The following DNAJC10 variants were observed in gnomAD, a reference collection of about 807,000 sequenced individuals.
DNAJC10 encodes the protein DnaJ heat shock protein family (Hsp40) member C10, also known as endoplasmic reticulum disulfide reductase DNAJC10.
DNAJC10 carries 101 observed loss-of-function variants against 115.0 expected under a neutral mutation model. That is an observed-to-expected ratio of 0.88 (90% CI 0.75 to 1.04). The LOEUF (loss-of-function observed/expected upper bound fraction) is 1.04. DNAJC10 is among the 50% of genes least tolerant of loss of function. The pLI is 0.00. For synonymous variants in DNAJC10, 307 were observed against 301.5 expected, an observed-to-expected ratio of 1.02 and a Z score of -0.19; for missense variants, 981 against 928.8, an observed-to-expected ratio of 1.06 and a Z score of -0.73.
chr2:182,733,891 G>T (rs1693518283), intron 10 of DNAJC10, among the ~76,000 whole-genome samples: 1 of 151,438 alleles, frequency 6.6e-6, no homozygotes, highest in African/African-American at 2.4e-5. Flanking sequence ...TGAAGCAAAT[G>T]TGTAAATGTA....
At position 182,791,485 on chromosome 2, in the gene DNAJC10, T is replaced by C. The variant is rs974009523; in HGVS notation, c.*14353T>C. 2 of 152,230 alleles carry C rather than the reference T, an allele frequency of 1.3e-5. No homozygotes were observed. Among genetic ancestry groups the C allele is most frequent in the Non-Finnish European group, 2.9e-5 (2 of 68,044 alleles). 9.4% of individuals were successfully genotyped at this position (152,230 alleles called of 1,614,324 possible). A position where few individuals can be genotyped will look rare whatever the true frequency, so the allele number is the denominator to read the frequency against. On this transcript the variant is annotated 3_prime_UTR_variant, in exon 24 of 24. Transcript: ENST00000264065. ...GCCCAGCTAGAAGTCAACGTGTGTT[T>C]CTGAAACTATGCTGGGGAAAGTAGC...
chr2:182,736,362 TAAC>T lies in DNAJC10; in HGVS notation c.966_968del (p.Asn322del). 1 of 1,580,704 alleles carries T rather than the reference TAAC, an allele frequency of 6.3e-7. No homozygotes were observed. The highest frequency in any genetic ancestry group is 1.2e-5 in the South Asian group (1 of 84,736). On this transcript the variant is annotated inframe_deletion, in exon 11 of 24. Coordinates refer to ENST00000264065, the MANE Select transcript of DNAJC10 (RefSeq NM_018981.4). ...ATTTTCCTCCTGGAGCCACTTTAAA[TAAC>T]AAAGAGAAAAACAGTATTTTGGTAT... is the stretch of plus-strand genomic sequence containing the variant.
chr2:182,762,257 A>G (rs1034785638), intron 21 of DNAJC10, among the ~76,000 whole-genome samples: 1 of 152,154 alleles, frequency 6.6e-6, no homozygotes, highest in African/African-American at 2.4e-5. Flanking sequence ...TCACTGGAGA[A>G]TATGTGTTCT....
chr2:182,739,774 T>C lies in DNAJC10; in HGVS notation c.988-525T>C, dbSNP rs185910958. On this transcript the variant is annotated intron_variant, in intron 11 of 23. Coordinates refer to ENST00000264065, the MANE Select transcript of DNAJC10 (RefSeq NM_018981.4). ...GGTTTTTAGATGAAAACCTCTATAA[T>C]GAGCAAAAGTCCATTCCAATTTTCC... is the stretch of plus-strand genomic sequence containing the variant. The C allele has an allele frequency of 1.5e-3, 1,495 of 998,274 alleles. 1 individual carries two copies. Among genetic ancestry groups the C allele is most frequent in the Admixed American group, 3.2e-3 (53 of 16,634 alleles). The allele number at this position is 998,274 out of a possible 1,614,324, so 61.8% of individuals were successfully genotyped here.
chr2:182,729,455 A>T (rs949963617), intron 7 of DNAJC10, among the ~76,000 whole-genome samples: 3 of 152,160 alleles, frequency 2.0e-5, no homozygotes, highest in African/African-American at 7.2e-5. Flanking sequence ...GGCAAAAAAA[A>T]CACCATTGAC....
rs1341121748 is a variant in DNAJC10 at position 182,734,367 on chromosome 2, T to G, written c.849+1825T>G. 3.3e-5 allele frequency among the ~76,000 whole-genome samples: 5 copies of G among 151,758 alleles called. No individual in the cohort carries two copies. The East Asian group carries it at 9.6e-4, about 29-fold the overall frequency. On this transcript the variant is annotated intron_variant, in intron 10 of 23. Coordinates refer to ENST00000264065, the MANE Select transcript of DNAJC10 (RefSeq NM_018981.4). Reference sequence around the variant, plus strand: ...TGAATCACAGATTCTATATTTTTTGTTCCTAATCATAAAGGTTATTTTTAA... The same window carrying G: ...TGAATCACAGATTCTATATTTTTTGGTCCTAATCATAAAGGTTATTTTTAA...
At position 182,787,725 on chromosome 2, in the gene DNAJC10, G is replaced by A. The variant is rs574769445; in HGVS notation, c.*10593G>A. ...CCTGCAGACCAGGATTTCAAGACCA[G>A]CCTGGACAACCTGGTGAAACCTCCT... On this transcript the variant is annotated 3_prime_UTR_variant, in exon 24 of 24. Coordinates refer to ENST00000264065, the MANE Select transcript of DNAJC10 (RefSeq NM_018981.4). The A allele has an allele frequency of 6.6e-6, 1 of 152,202 alleles. No individual in the cohort carries two copies. Among genetic ancestry groups the A allele is most frequent in the Non-Finnish European group, 1.5e-5 (1 of 68,120 alleles). 9.4% of individuals were successfully genotyped at this position (152,202 alleles called of 1,614,324 possible).
chr2:182,793,761 C>T lies in DNAJC10; in HGVS notation c.*16629C>T, dbSNP rs1695092752. 5 of 151,044 alleles carry T rather than the reference C, an allele frequency of 3.3e-5. No individual in the cohort carries two copies. In the South Asian group the frequency reaches 1.0e-3, roughly 32 times the overall value. The allele number at this position is 151,044 out of a possible 1,614,324, so 9.4% of individuals were successfully genotyped here. ...CTCAAAGTCTGGAGACAGCCTCAGG[C>T]CAAGGTCCTCTTGCTTATTTAATTT... On this transcript the variant is annotated 3_prime_UTR_variant, in exon 24 of 24. Coordinates refer to ENST00000264065, the MANE Select transcript of DNAJC10 (RefSeq NM_018981.4).
At chr2:182,751,901 T>C in intron 15 of DNAJC10, 116 bp downstream of exon 15, 1 of 1,333,372 alleles carries the variant, frequency 7.5e-7, no homozygotes, top group Non-Finnish European at 1.0e-6. Flanking sequence ...CATTCCATTA[T>C]GGCCACTAAT....
Position 182,783,793 on chromosome 2 carries a change from G to A in DNAJC10, c.*6661G>A, listed in dbSNP as rs1456587590. 4.6e-5 allele frequency: 7 copies of A among 152,076 alleles called. No homozygotes were observed. Among genetic ancestry groups the A allele is most frequent in the Non-Finnish European group, 1.0e-4 (7 of 68,014 alleles). The allele number at this position is 152,076 out of a possible 1,614,324, so 9.4% of individuals were successfully genotyped here. On this transcript the variant is annotated 3_prime_UTR_variant, in exon 24 of 24. Transcript: ENST00000264065. ...TAAAAACTTGGGTATATTACTTGAA[G>A]ATCAACTATATTGTTATTTTTAGTA...
At chr2:182,746,430 C>G (rs917493667) in intron 14 of DNAJC10, among the ~76,000 whole-genome samples, 4 of 152,102 alleles carry the variant, frequency 2.6e-5, no homozygotes, top group East Asian at 3.9e-4. Context: ...GCCATTCAAA[C>G]TGGTGTGAGA....
At chr2:182,717,614 T>C (rs1243540768) in intron 2 of DNAJC10, among the ~76,000 whole-genome samples, 24 of 152,228 alleles carry the variant, frequency 1.6e-4, no homozygotes, top group Non-Finnish European at 8.8e-5. Flanking sequence ...CAGGCAACGC[T>C]ATAACTGGGT....
At chr2:182,726,590 C>T (rs1292182557) in intron 5 of DNAJC10, among the ~76,000 whole-genome samples, 3 of 152,166 alleles carry the variant, frequency 2.0e-5, no homozygotes, top group Non-Finnish European at 4.4e-5. Context: ...ATCAGTGTGG[C>T]AAACTTCATT....
intron 22 of DNAJC10, among the ~76,000 whole-genome samples, chr2:182,768,333 T>C (rs1016365805): frequency 2.0e-5 from 3 of 152,118 alleles, no homozygotes; most frequent in African/African-American, 7.2e-5. Context: ...TCAGATAATA[T>C]CAGAGAAGTA....
intron 23 of DNAJC10, among the ~76,000 whole-genome samples, chr2:182,776,875 A>G (rs1694720485): frequency 6.6e-6 from 1 of 152,202 alleles, no homozygotes. Flanking sequence ...AGAATACCCA[A>G]TATGCTTGAA....
Position 182,778,195 on chromosome 2 carries a change from A to T in DNAJC10, c.*1063A>T, listed in dbSNP as rs1261134350. 7 of 152,138 alleles carry T rather than the reference A, an allele frequency of 4.6e-5. No homozygotes were observed. Among genetic ancestry groups the T allele is most frequent in the Admixed American group, 4.6e-4 (7 of 15,260 alleles). 9.4% of individuals were successfully genotyped at this position (152,138 alleles called of 1,614,324 possible). ...CCTGTCCAGTCTATTTATTATTCAA[A>T]TAGGAAAAATTACTTTACAGGTTGT... On this transcript the variant is annotated 3_prime_UTR_variant, in exon 24 of 24. Transcript: ENST00000264065.
rs1694232533 is a variant in DNAJC10, at chr2:182,759,235, G to C, written c.2073G>C (p.Trp691Cys). Residue 691 changes from tryptophan (W) to cysteine (C), a missense_variant, in exon 21 of 24, where the codon TGG becomes TGC. Physicochemically the swap from Trp to Cys is radical, Grantham distance 215. Transcript: ENST00000264065. ...SEKVLQGKNHWVIDFYAPWCG... is the reference protein window; with the variant it reads ...SEKVLQGKNHCVIDFYAPWCG... Reference sequence around the variant, plus strand: ...AAGTTCTACAAGGGAAAAATCATTGGGTGATTGATTTCTATGCTCCTTGGT... The same window carrying C: ...AAGTTCTACAAGGGAAAAATCATTGCGTGATTGATTTCTATGCTCCTTGGT... 4.3e-6 allele frequency: 7 copies of C among 1,610,680 alleles called. No individual in the cohort carries two copies. The highest frequency in any genetic ancestry group is 1.1e-5 in the South Asian group (1 of 90,024).
At chr2:182,726,538 A>G (rs936904546) in intron 5 of DNAJC10, among the ~76,000 whole-genome samples, 1 of 152,138 alleles carries the variant, frequency 6.6e-6, no homozygotes, top group Non-Finnish European at 1.5e-5. Flanking sequence ...ATCAAACAGC[A>G]TTTCACGCTT....
chr2:182,722,977 G>A (rs1035793045), intron 5 of DNAJC10, among the ~76,000 whole-genome samples: 4 of 148,732 alleles, frequency 2.7e-5, no homozygotes, highest in Non-Finnish European at 5.9e-5. Context: ...ATATATTATC[G>A]TTAAAAATTT....
Sources: gnomAD v4.1 joint callset for allele counts (sites outside exome capture counted in the v4.1 genomes callset) on GRCh38, gnomAD v4.1.1 for gene constraint, MANE v1.5 for transcripts, NCBI Gene and HGNC (gene_info 2026-07-23, HGNC 2026-07-21) for gene names.